EBF1: variants seen among roughly 807,000 people sequenced by gnomAD.
EBF1 encodes transcription factor COE1.
In EBF1, 10 loss-of-function variants were observed where a neutral mutation model predicts 68.4. The ratio of observed to expected loss-of-function variants is 0.15; its 90% CI spans 0.09 to 0.25. The LOEUF is 0.25. Ranked by LOEUF, EBF1 falls within the 10% of genes least tolerant of loss-of-function variation. The pLI is 1.00. For synonymous variants in EBF1, 298 were observed against 299.8 expected (o/e 0.99, Z 0.06); for missense variants, 509 against 794.4 (o/e 0.64, Z 4.32).
chr5:159,008,790 G>A (rs1764079187), intron 6 of EBF1, among the ~76,000 whole-genome samples: 1 of 152,098 alleles, frequency 6.6e-6, no homozygotes, highest in Non-Finnish European at 1.5e-5. Flanking sequence ...GCCCACCTTG[G>A]CCTCCCAAAG....
At chr5:159,010,981 GAC>G (rs1764544862) in intron 6 of EBF1, among the ~76,000 whole-genome samples, 1 of 152,186 alleles carries the variant, frequency 6.6e-6, no homozygotes, top group Non-Finnish European at 1.5e-5. Flanking sequence ...GCAAATTATA[GAC>G]ACACACCATA....
intron 5 of EBF1, among the ~76,000 whole-genome samples, chr5:159,082,749 C>T (rs977377599): frequency 6.6e-6 from 1 of 152,184 alleles, no homozygotes; most frequent in Non-Finnish European, 1.5e-5. Flanking sequence ...CAGGAAAACC[C>T]GTAATCTGTA....
chr5:158,931,122 C>T (rs1048597808), intron 6 of EBF1, among the ~76,000 whole-genome samples: 1 of 152,228 alleles, frequency 6.6e-6, no homozygotes. Flanking sequence ...ATCTCACCTG[C>T]TTTAGCCAAC....
At chr5:158,978,601 G>A (rs1356015334) in intron 6 of EBF1, among the ~76,000 whole-genome samples, 6 of 147,496 alleles carry the variant, frequency 4.1e-5, no homozygotes, top group Admixed American at 2.8e-4. Flanking sequence ...GCACCTTGCC[G>A]CTGCCAACAT....
At chr5:159,014,272 C>G (rs1765230601) in intron 6 of EBF1, among the ~76,000 whole-genome samples, 1 of 152,130 alleles carries the variant, frequency 6.6e-6, no homozygotes, top group Non-Finnish European at 1.5e-5. Flanking sequence ...GAAAACAGAT[C>G]ACGAAGGAGA....
intron 6 of EBF1, among the ~76,000 whole-genome samples, chr5:158,955,870 G>C (rs369855685): frequency 6.6e-6 from 1 of 152,182 alleles, no homozygotes; most frequent in Non-Finnish European, 1.5e-5. Flanking sequence ...GAAAGGAAGA[G>C]TAGCAAAGAG....
chr5:159,063,217 C>G (rs769242138), intron 6 of EBF1, among the ~76,000 whole-genome samples: 21 of 152,138 alleles, frequency 1.4e-4, no homozygotes, highest in Non-Finnish European at 2.9e-4. Context: ...CGCTCATCTA[C>G]CTGCCTGTGC....
chr5:158,894,562 C>A (rs1801813763), intron 6 of EBF1, among the ~76,000 whole-genome samples: 1 of 152,158 alleles, frequency 6.6e-6, no homozygotes, highest in Non-Finnish European at 1.5e-5. Flanking sequence ...TTACTTGCGG[C>A]ATGTAGAGTG....
chr5:159,044,666 G>A (rs371952666), intron 6 of EBF1, among the ~76,000 whole-genome samples: 1 of 152,058 alleles, frequency 6.6e-6, no homozygotes, highest in South Asian at 2.1e-4. Context: ...CTAAAGTGCA[G>A]GTCCCCAAGA....
At chr5:158,945,007 C>G (rs1814335968) in intron 6 of EBF1, among the ~76,000 whole-genome samples, 1 of 152,114 alleles carries the variant, frequency 6.6e-6, no homozygotes, top group African/African-American at 2.4e-5. Context: ...AAAATTTTCT[C>G]CCATTCTGTA....
At chr5:159,041,418 G>A (rs960880473) in intron 6 of EBF1, among the ~76,000 whole-genome samples, 5 of 151,946 alleles carry the variant, frequency 3.3e-5, no homozygotes, top group Admixed American at 2.6e-4. Context: ...TACTTCTTAC[G>A]TTTAAAAAAA....
intron 6 of EBF1, among the ~76,000 whole-genome samples, chr5:158,961,756 T>G (rs1230034299): frequency 6.6e-6 from 1 of 152,226 alleles, no homozygotes; most frequent in Non-Finnish European, 1.5e-5. Flanking sequence ...AGATAAATTA[T>G]GTGCTTACCA....
At chr5:158,862,537 A>G (rs1307619345) in intron 6 of EBF1, among the ~76,000 whole-genome samples, 18 of 152,204 alleles carry the variant, frequency 1.2e-4, no homozygotes, top group Admixed American at 1.2e-3. Flanking sequence ...CCTACGTGCC[A>G]CTATGCTTGT....
At chr5:159,040,412 C>T (rs1015617775) in intron 6 of EBF1, among the ~76,000 whole-genome samples, 2 of 152,210 alleles carry the variant, frequency 1.3e-5, no homozygotes, top group African/African-American at 4.8e-5. Context: ...AACTAGTTTT[C>T]CTTCCCTTTT....
At chr5:158,821,896 T>C (rs1470740231) in intron 8 of EBF1, among the ~76,000 whole-genome samples, 1 of 152,208 alleles carries the variant, frequency 6.6e-6, no homozygotes, top group African/African-American at 2.4e-5. Context: ...AAACTGGATG[T>C]GGTGAAGAAT....
At chr5:158,909,956 T>TAAAAAAAAA (rs59274919) in intron 6 of EBF1, among the ~76,000 whole-genome samples, 14 of 46,730 alleles carry the variant, frequency 3.0e-4, no homozygotes, top group African/African-American at 4.4e-4. Context: ...ACTCTGTCTA[T>TAAAAAAAAA]AAAAAAAAAA....
chr5:159,012,482 C>CTT (rs1172647838), intron 6 of EBF1, among the ~76,000 whole-genome samples: 1 of 145,250 alleles, frequency 6.9e-6, no homozygotes, highest in Non-Finnish European at 1.5e-5. Flanking sequence ...TTTGGAGAGT[C>CTT]TTTTTTTTTT....
At chr5:158,798,336 G>A (rs1438076866) in intron 8 of EBF1, among the ~76,000 whole-genome samples, 2 of 152,126 alleles carry the variant, frequency 1.3e-5, no homozygotes, top group Non-Finnish European at 2.9e-5. Flanking sequence ...CTGACCCTGA[G>A]ATTACCCACA....
intron 11 of EBF1, among the ~76,000 whole-genome samples, chr5:158,728,397 T>G (rs1214026743): frequency 5.9e-5 from 9 of 152,242 alleles, no homozygotes; most frequent in Non-Finnish European, 1.2e-4. Flanking sequence ...AAGTGACACG[T>G]GCCTATGCTA....
Sources: allele counts gnomAD v4.1 joint callset (sites outside exome capture counted in the v4.1 genomes callset), GRCh38; gene constraint gnomAD v4.1.1; transcripts MANE v1.5; gene names NCBI Gene and HGNC (gene_info 2026-07-23, HGNC 2026-07-21).